PPP3CA: variants seen among roughly 807,000 people sequenced by gnomAD.
PPP3CA encodes CAM-PRP catalytic subunit.
A neutral mutation model predicts 66.5 loss-of-function variants in PPP3CA; 14 were observed. The ratio of observed to expected loss-of-function variants is 0.21; its 90% CI spans 0.14 to 0.33. The LOEUF is 0.33. Among genes scored for constraint, PPP3CA ranks in the 10% least tolerant of loss-of-function variants. The pLI is 1.00. For synonymous variants in PPP3CA, 232 were observed against 226.2 expected, an observed-to-expected ratio of 1.03 and a Z score of -0.23; for missense variants, 317 against 639.5, an observed-to-expected ratio of 0.50 and a Z score of 5.44.
chr4:101,120,374 C>T (rs1419766444), intron 2 of PPP3CA, among the ~76,000 whole-genome samples: 3 of 151,910 alleles, frequency 2.0e-5, no homozygotes, highest in Non-Finnish European at 4.4e-5. Flanking sequence ...TAGATATAAA[C>T]AATGGTACTG....
intron 1 of PPP3CA, among the ~76,000 whole-genome samples, chr4:101,303,427 T>C (rs896989622): frequency 2.6e-5 from 4 of 152,142 alleles, no homozygotes. Context: ...TACATGACCA[T>C]ATATTTATAT....
Position 101,327,854 on chromosome 4 carries a change from A to T in PPP3CA, c.58+18885T>A, listed in dbSNP as rs114197453. 9.2e-3 allele frequency among the ~76,000 whole-genome samples: 1,397 copies of T among 152,278 alleles called. 18 individuals are homozygous for T. The highest frequency in any genetic ancestry group is 0.031 in the African/African-American group (1,299 of 41,544). On this transcript the variant is annotated intron_variant, in intron 1 of 13. Coordinates refer to ENST00000394854, the MANE Select transcript of PPP3CA (RefSeq NM_000944.5). ...ATAAATATATATTAACAAAATGAGA[A>T]CTGTCAACAAAACACTCTAGTTGTA...
chr4:101,044,423 T>C (rs1727671596), intron 10 of PPP3CA, among the ~76,000 whole-genome samples: 1 of 152,216 alleles, frequency 6.6e-6, no homozygotes, highest in African/African-American at 2.4e-5. Flanking sequence ...TGTACCACAG[T>C]AGCTCAAATT....
chr4:101,030,755 G>A (rs1236461547), intron 12 of PPP3CA, among the ~76,000 whole-genome samples: 1 of 152,040 alleles, frequency 6.6e-6, no homozygotes, highest in Admixed American at 6.6e-5. Context: ...ACTATTAAAT[G>A]TTCTAAAGCG....
intron 1 of PPP3CA, among the ~76,000 whole-genome samples, chr4:101,262,774 C>T (rs911062442): frequency 6.6e-6 from 1 of 152,118 alleles, no homozygotes. Flanking sequence ...GTGTGTCAAG[C>T]TTATGTGAGC....
At chr4:101,218,423 GA>G (rs1725518721) in intron 1 of PPP3CA, among the ~76,000 whole-genome samples, 1 of 152,030 alleles carries the variant, frequency 6.6e-6, no homozygotes, top group Non-Finnish European at 1.5e-5. Flanking sequence ...CTGGTTTTCA[GA>G]GTTAAAATGT....
intron 1 of PPP3CA, among the ~76,000 whole-genome samples, chr4:101,315,682 G>A (rs1728862583): frequency 6.6e-6 from 1 of 152,194 alleles, no homozygotes; most frequent in African/African-American, 2.4e-5. Flanking sequence ...TAGAAGCTCA[G>A]TTCCCGCTCA....
intron 8 of PPP3CA, among the ~76,000 whole-genome samples, chr4:101,079,813 CT>C (rs1729359403): frequency 6.6e-6 from 1 of 152,194 alleles, no homozygotes; most frequent in Admixed American, 6.5e-5. Flanking sequence ...TGCTCTTCTT[CT>C]TTTCCCTGTA....
chr4:101,311,769 T>C (rs1010973838), intron 1 of PPP3CA, among the ~76,000 whole-genome samples: 4 of 152,074 alleles, frequency 2.6e-5, no homozygotes, highest in African/African-American at 9.7e-5. Context: ...GATAGAAGGA[T>C]ACAAAAATGA....
chr4:101,195,319 A>T (rs1366433395), intron 2 of PPP3CA, among the ~76,000 whole-genome samples: 2 of 151,988 alleles, frequency 1.3e-5, no homozygotes. Flanking sequence ...CGGGCAAAAG[A>T]GAAAAAAATG....
intron 1 of PPP3CA, among the ~76,000 whole-genome samples, chr4:101,303,272 T>G (rs1227086330): frequency 1.3e-5 from 2 of 152,182 alleles, no homozygotes; most frequent in Non-Finnish European, 2.9e-5. Flanking sequence ...AAATGACAAA[T>G]GTAATATTCA....
rs561323866 is a variant in PPP3CA, at chr4:101,192,339, C to T, written c.259+3577G>A. On this transcript the variant is annotated intron_variant, in intron 2 of 13. Coordinates refer to ENST00000394854, the MANE Select transcript of PPP3CA (RefSeq NM_000944.5). ...CACCCCACTCTTAAGAATTCCTCCCCACCTCTTCCTACTCATCTCATCCAG... is the reference window on the plus strand; with the variant it reads ...CACCCCACTCTTAAGAATTCCTCCCTACCTCTTCCTACTCATCTCATCCAG... Among the ~76,000 whole-genome samples, 178 of 152,198 alleles carry T rather than the reference C, an allele frequency of 1.2e-3. 1 individual carries two copies. Among genetic ancestry groups the T allele is most frequent in the Middle Eastern group, 6.8e-3 (2 of 294 alleles).
intron 1 of PPP3CA, among the ~76,000 whole-genome samples, chr4:101,330,122 A>T (rs1269777972): frequency 1.3e-5 from 2 of 152,170 alleles, no homozygotes; most frequent in Non-Finnish European, 1.5e-5. Flanking sequence ...AAGCACATTC[A>T]TGATTAATGA....
chr4:101,264,316 T>A, intron 1 of PPP3CA, among the ~76,000 whole-genome samples: 1 of 152,186 alleles, frequency 6.6e-6, no homozygotes, highest in East Asian at 1.9e-4. Flanking sequence ...TAGCTCACAG[T>A]TGCATTTGAA....
At chr4:101,040,232 C>A (rs1246564401) in intron 11 of PPP3CA, among the ~76,000 whole-genome samples, 1 of 152,018 alleles carries the variant, frequency 6.6e-6, no homozygotes, top group Non-Finnish European at 1.5e-5. Context: ...AGTCCTATAG[C>A]AAATAGAGGA....
At chr4:101,343,523 C>T (rs1449663826) in intron 1 of PPP3CA, among the ~76,000 whole-genome samples, 1 of 152,026 alleles carries the variant, frequency 6.6e-6, no homozygotes, top group Non-Finnish European at 1.5e-5. Context: ...TAATGTAAAG[C>T]AATAAACGGA....
chr4:101,100,302 T>G (rs1446771780), intron 3 of PPP3CA, among the ~76,000 whole-genome samples: 1 of 152,072 alleles, frequency 6.6e-6, no homozygotes, highest in Non-Finnish European at 1.5e-5. Context: ...TGTCAATGCT[T>G]TGCCTCCTCA....
At chr4:101,269,445 A>G (rs2110264278) in intron 1 of PPP3CA, among the ~76,000 whole-genome samples, 1 of 152,198 alleles carries the variant, frequency 6.6e-6, no homozygotes, top group Admixed American at 6.6e-5. Context: ...ATACAGATAA[A>G]TAATATTAAA....
At chr4:101,156,543 G>T (rs969207767) in intron 2 of PPP3CA, among the ~76,000 whole-genome samples, 3 of 152,134 alleles carry the variant, frequency 2.0e-5, no homozygotes, top group Non-Finnish European at 4.4e-5. Context: ...AGCTGGGTGT[G>T]GTGACACATG....
Sources: gnomAD v4.1 joint callset for allele counts (sites outside exome capture counted in the v4.1 genomes callset) on GRCh38, gnomAD v4.1.1 for gene constraint, MANE v1.5 for transcripts, NCBI Gene and HGNC (gene_info 2026-07-23, HGNC 2026-07-21) for gene names.